Variants in VGF observed in about 807,000 individuals in gnomAD.
The protein encoded by VGF is VGF nerve growth factor inducible, also known as neurosecretory protein VGF.
VGF carries 13 observed loss-of-function variants against 41.1 expected under a neutral mutation model. That is an observed-to-expected ratio of 0.32 (90% CI 0.21 to 0.50). The LOEUF is 0.50. Ranked by LOEUF, VGF falls within the 20% of genes least tolerant of loss-of-function variation. The pLI is 0.98. For missense variants in VGF, 920 were observed against 882.1 expected (o/e 1.04, Z -0.54); for synonymous variants, 473 against 418.3 (o/e 1.13, Z -1.60).
intron 1 of VGF, 93 bp from the exon 2 acceptor site, chr7:101,164,956 C>A: frequency 1.4e-6 from 2 of 1,419,302 alleles, no homozygotes; most frequent in African/African-American, 1.4e-5. Context: ...AGCAGGAAAC[C>A]CGGGGCTTCC....
chr7:101,163,543 C>T lies in VGF; in HGVS notation c.1301G>A (p.Gly434Glu), dbSNP rs757257277. The T allele has an allele frequency of 1.2e-6, 2 of 1,601,696 alleles. No homozygotes were observed. The highest frequency in any genetic ancestry group is 2.3e-5 in the East Asian group (1 of 44,444). The change falls in exon 2 of 2, where the codon GGG becomes GAG. Residue 434 changes from glycine (G) to glutamate (E), a missense_variant. Around this residue, in one of 3 missense-constraint regions of VGF, gnomAD observed 654 missense variants for 638.4 expected, o/e 1.02. Coordinates refer to ENST00000249330, the MANE Select transcript of VGF (RefSeq NM_003378.4). This position sits in a 1 kb window ranked among gnomAD's most constrained non-coding sequence, Gnocchi z 5.0. ...TPGHRRKEAEGTEEGGEEEDD... is the reference protein window; with the variant it reads ...TPGHRRKEAEETEEGGEEEDD... The stretch of plus-strand genomic sequence containing the variant: ...CTCCTCCTCCCCGCCCTCCTCTGTC[C>T]CCTCGGCCTCCTTCCGCCGGTGGCC...
Position 101,164,434 on chromosome 7 carries a change from G to A in VGF, c.410C>T (p.Pro137Leu). Residue 137 changes from proline to leucine, a missense_variant, in exon 2 of 2, where the codon CCG (proline) becomes CTG (leucine). By Grantham distance (98) the Pro-to-Leu change is moderately conservative (BLOSUM62 -3). Transcript: ENST00000249330. ...ATTCTCCGGAGTCTGAGGGCGAGGC[G>A]GAGCCGCGGGCTCCGGGCTCTCCGG... Reference protein sequence around the residue: ...PAPESPEPAAPPRPQTPENGP... With the variant: ...PAPESPEPAALPRPQTPENGP... 1.2e-6 allele frequency: 2 copies of A among 1,606,224 alleles called. No individual in the cohort carries two copies. Among genetic ancestry groups the A allele is most frequent in the Non-Finnish European group, 1.7e-6 (2 of 1,178,318 alleles).
chr7:101,163,108 C>T lies in VGF; in HGVS notation c.1736G>A (p.Arg579Gln), dbSNP rs1298953955. 6 of 1,581,420 alleles carry T rather than the reference C, an allele frequency of 3.8e-6. No homozygotes were observed. Among genetic ancestry groups the T allele is most frequent in the Non-Finnish European group, 5.1e-6 (6 of 1,167,412 alleles). Residue 579 changes from arginine to glutamine, a missense_variant, in exon 2 of 2, where the codon CGG (arginine) becomes CAG (glutamine). By Grantham distance (43) the Arg-to-Gln change is conservative (BLOSUM62 1). Transcript: ENST00000249330. The surrounding 1 kb of genome is among the most constrained non-coding windows in gnomAD (Gnocchi z 5.0). ...CTGCGCGCGCCGCGCCTGGGCCTCCCGGCCGGGATAGTGGCGCGAAGGCGG... is the reference window on the plus strand; with the variant it reads ...CTGCGCGCGCCGCGCCTGGGCCTCCTGGCCGGGATAGTGGCGCGAAGGCGG... Reference protein sequence around the residue: ...ALPPSRHYPGREAQARRAQEE... With the variant: ...ALPPSRHYPGQEAQARRAQEE...
Position 101,165,488 on chromosome 7 carries a change from T to TCGAGGGA in VGF, c.-136_-135insTCCCTCG. 1 of 985,296 alleles carries TCGAGGGA rather than the reference T, an allele frequency of 1.0e-6. No homozygotes were observed. The highest frequency in any genetic ancestry group is 1.2e-6 in the Non-Finnish European group (1 of 829,918). The allele number at this position is 985,296 out of a possible 1,614,324, so 61.0% of individuals were successfully genotyped here. The stretch of plus-strand genomic sequence containing the variant: ...GCGGTGGCCGGGGTAGGAGCGACGG[T>TCGAGGGA]CGAGGTCTGGCGTCCCGTGGGCTGG... On this transcript the variant is annotated 5_prime_UTR_variant, in exon 1 of 2. Transcript: ENST00000249330.
At chr7:101,166,393 G>T (rs1219300250), upstream of VGF, among the ~76,000 whole-genome samples, 1 of 152,036 alleles carries the variant, frequency 6.6e-6, no homozygotes, top group Non-Finnish European at 1.5e-5. Context: ...AAGGCCCCCC[G>T]CTGTGCCCCC....
chr7:101,164,405 G>T lies in VGF; in HGVS notation c.439C>A (p.Pro147Thr), dbSNP rs372301855. 7 of 1,610,510 alleles carry T rather than the reference G, an allele frequency of 4.3e-6. No individual in the cohort carries two copies. Among genetic ancestry groups the T allele is most frequent in the Non-Finnish European group, 5.9e-6 (7 of 1,179,686 alleles). Residue 147 changes from proline (P) to threonine (T), a missense_variant, in exon 2 of 2, where the codon CCC becomes ACC. Around this residue, in one of 3 missense-constraint regions of VGF, gnomAD observed 654 missense variants for 638.4 expected, o/e 1.02. Transcript: ENST00000249330. The stretch of plus-strand genomic sequence containing the variant: ...TCCTCGGAGGGATCGCTCGCCTCGG[G>T]CCCATTCTCCGGAGTCTGAGGGCGA... ...PPRPQTPENG[P>T]EASDPSEELE... is the part of the protein sequence containing the mutation.
chr7:101,166,926 G>C, upstream of VGF, among the ~76,000 whole-genome samples: 1 of 151,382 alleles, frequency 6.6e-6, no homozygotes, highest in East Asian at 1.9e-4. Context: ...GGCAGGGAAG[G>C]GGGGAATGAC....
In VGF at chr7:101,162,688, T is replaced by C. The variant is rs576697919; in HGVS notation, c.*308A>G. 31 of 502,904 alleles carry C rather than the reference T, an allele frequency of 6.2e-5. No homozygotes were observed. The highest frequency in any genetic ancestry group is 5.8e-4 in the African/African-American group (29 of 49,660). The allele number at this position is 502,904 out of a possible 1,614,324, so 31.2% of individuals were successfully genotyped here. On this transcript the variant is annotated 3_prime_UTR_variant, in exon 2 of 2. Transcript: ENST00000249330. This position sits in a 1 kb window ranked among gnomAD's most constrained non-coding sequence, Gnocchi z 4.2. The stretch of plus-strand genomic sequence containing the variant: ...TCACACAATTAACTGGAACTGCTTT[T>C]TCCGGTTTCCGACGGGGACGTCCCC...
upstream of VGF, chr7:101,165,630 C>T (rs1797205661): frequency 2.2e-5 from 22 of 985,262 alleles, no homozygotes; most frequent in Non-Finnish European, 2.7e-5. Flanking sequence ...CGTGGGCGCG[C>T]CCCGCCCCAT....
In VGF at chr7:101,162,865, CG is replaced by C; in HGVS notation, c.*130del. 1 of 699,380 alleles carries C rather than the reference CG, an allele frequency of 1.4e-6. No homozygotes were observed. Among genetic ancestry groups the C allele is most frequent in the East Asian group, 3.1e-5 (1 of 31,876 alleles). 43.3% of individuals were successfully genotyped at this position (699,380 alleles called of 1,614,324 possible). On this transcript the variant is annotated 3_prime_UTR_variant, in exon 2 of 2. Transcript: ENST00000249330. The surrounding 1 kb of genome is among the most constrained non-coding windows in gnomAD (Gnocchi z 4.2). Reference sequence around the variant, plus strand: ...GGGTCTGGCAGGTCCCGACGCAGCCCGGGGACAGGGGCAGGGCCAAGGGGCA... The same window carrying C: ...GGGTCTGGCAGGTCCCGACGCAGCCCGGGACAGGGGCAGGGCCAAGGGGCA...
At chr7:101,166,520 G>GA (rs1014600816), upstream of VGF, among the ~76,000 whole-genome samples, 7 of 150,914 alleles carry the variant, frequency 4.6e-5, no homozygotes, top group South Asian at 1.3e-3. Flanking sequence ...GCAGGTGGGG[G>GA]GGGGGTGACT....
At chr7:101,169,532 G>A (rs1235316157), upstream of VGF, among the ~76,000 whole-genome samples, 2 of 152,138 alleles carry the variant, frequency 1.3e-5, no homozygotes, top group East Asian at 3.9e-4. Flanking sequence ...ACCTAGGCTG[G>A]AGATGTGTGC....
At chr7:101,167,960 C>T (rs1459428310), upstream of VGF, among the ~76,000 whole-genome samples, 1 of 149,886 alleles carries the variant, frequency 6.7e-6, no homozygotes, top group Non-Finnish European at 1.5e-5. This position sits in a 1 kb window ranked among gnomAD's most constrained non-coding sequence, Gnocchi z 4.2. Context: ...TTTGTGTTTG[C>T]TTCCAGGTGT....
chr7:101,167,648 G>C (rs1394416220), upstream of VGF, among the ~76,000 whole-genome samples: 1 of 152,204 alleles, frequency 6.6e-6, no homozygotes, highest in South Asian at 2.1e-4. The surrounding 1 kb of genome is among the most constrained non-coding windows in gnomAD (Gnocchi z 4.2). Context: ...AGCCAAGGGG[G>C]CTGACTGAGT....
At chr7:101,165,628 C>T (rs1439801583), upstream of VGF, 239 of 985,252 alleles carry the variant, frequency 2.4e-4, no homozygotes, top group Non-Finnish European at 2.8e-4. Flanking sequence ...CACGTGGGCG[C>T]GCCCCGCCCC....
rs908901172 is a variant in VGF, at chr7:101,163,613, C to A, written c.1231G>T (p.Gly411Trp). ...CGCTTGTCCTCGGCGCCGGCTTCCC[C>A]GTCCTCCTCCTCCGCGAACAGGAGC... ...NALLFAEEED[G>W]EAGAEDKRSQ... is the part of the protein sequence containing the mutation. The change falls in exon 2 of 2, where the codon GGG (glycine) becomes TGG (tryptophan). Residue 411 changes from glycine to tryptophan, a missense_variant. Gly to Trp is a radical substitution (Grantham distance 184, BLOSUM62 -2). This residue lies in a region of VGF where 654 missense variants were observed against 638.4 expected (regional missense o/e 1.02). Coordinates refer to ENST00000249330, the MANE Select transcript of VGF (RefSeq NM_003378.4). The surrounding 1 kb of genome is among the most constrained non-coding windows in gnomAD (Gnocchi z 5.0). 3.2e-6 allele frequency: 5 copies of A among 1,551,764 alleles called. No homozygotes were observed. The African/African-American group carries it at 4.1e-5, about 13-fold the overall frequency.
At chr7:101,165,157 A>C in intron 1 of VGF, 1 of 1,081,346 alleles carries the variant, frequency 9.2e-7, no homozygotes, top group African/African-American at 1.8e-5. Context: ...ATATGGGGGA[A>C]AAAAAAATCT....
Position 101,164,553 on chromosome 7 carries a change from C to G in VGF, c.291G>C (p.Pro97=), listed in dbSNP as rs1797184503. 2 of 1,599,558 alleles carry G rather than the reference C, an allele frequency of 1.3e-6. No homozygotes were observed. The highest frequency in any genetic ancestry group is 2.7e-5 in the African/African-American group (2 of 74,818). Residue 97 remains proline, a synonymous_variant, in exon 2 of 2, where the codon CCG becomes CCC. Transcript: ENST00000249330. ...GCCCCTGCTGGGAGCCGCTTGGTGC[C>G]GGGGGTGAGGCGGGACGGTCGAGTG... ...LQALDRPASP[P]APSGSQQGPE... is the part of the protein sequence containing the mutation.
chr7:101,163,401 C>T lies in VGF; in HGVS notation c.1443G>A (p.Lys481=), dbSNP rs1064431. The T allele has an allele frequency of 6.2e-7, 1 of 1,603,286 alleles. No homozygotes were observed. Among genetic ancestry groups the T allele is most frequent in the African/African-American group, 1.3e-5 (1 of 74,894 alleles). The change falls in exon 2 of 2, where the codon AAG becomes AAA. Residue 481 remains lysine (K), a synonymous_variant. Transcript: ENST00000249330. This position sits in a 1 kb window ranked among gnomAD's most constrained non-coding sequence, Gnocchi z 5.0. The part of the protein sequence containing the change: ...SIIEEVEEKR[K]RKKNAPPEPV... ...GCTCGGGAGGGGCGTTCTTCTTCCG[C>T]TTCCGCTTCTCCTCCACCTCCTCGA...
Sources: allele counts gnomAD v4.1 joint callset (sites outside exome capture counted in the v4.1 genomes callset), GRCh38; gene constraint gnomAD v4.1.1; regional missense constraint gnomAD v4.1.1; non-coding constraint Gnocchi (gnomAD v3.1); transcripts MANE v1.5; gene names NCBI Gene and HGNC (gene_info 2026-07-23, HGNC 2026-07-21).